Variants in GPC6 observed in about 807,000 individuals in gnomAD.
GPC6 encodes glypican 6.
A neutral mutation model predicts 55.2 loss-of-function variants in GPC6; 14 were observed. That is an observed-to-expected ratio of 0.25 (90% confidence interval 0.17 to 0.40). GPC6 has a LOEUF of 0.40. Ranked by LOEUF, GPC6 falls within the 10% of genes least tolerant of loss-of-function variation. The probability of loss-of-function intolerance (pLI) is 1.00; values close to 1 mark genes in which losing one functional copy is unlikely to be tolerated. For missense variants in GPC6, 641 were observed against 708.5 expected (o/e 0.90, Z 1.08); for synonymous variants, 278 against 259.6 (o/e 1.07, Z -0.68).
At chr13:93,240,068 A>C (rs1229831624) in intron 1 of GPC6, among the ~76,000 whole-genome samples, 1 of 152,062 alleles carries the variant, frequency 6.6e-6, no homozygotes, top group Non-Finnish European at 1.5e-5. Flanking sequence ...CTATCTTGGA[A>C]ACTATTCCAT....
At chr13:93,796,640 A>G (rs1443303410) in intron 2 of GPC6, among the ~76,000 whole-genome samples, 1 of 152,216 alleles carries the variant, frequency 6.6e-6, no homozygotes, top group East Asian at 1.9e-4. Flanking sequence ...ATGGGGAGGA[A>G]AGCTTCTCCT....
chr13:93,287,974 A>T (rs1878192206), intron 1 of GPC6, among the ~76,000 whole-genome samples: 1 of 152,124 alleles, frequency 6.6e-6, no homozygotes, highest in African/African-American at 2.4e-5. Context: ...CAATCTCTTG[A>T]TTTCATTGCA....
chr13:93,772,173 G>T (rs1885324348), intron 2 of GPC6, among the ~76,000 whole-genome samples: 1 of 152,114 alleles, frequency 6.6e-6, no homozygotes, highest in African/African-American at 2.4e-5. Context: ...ATAAAGAAAA[G>T]TAATGGCATC....
At chr13:93,352,195 C>T (rs1880655272) in intron 1 of GPC6, among the ~76,000 whole-genome samples, 2 of 151,954 alleles carry the variant, frequency 1.3e-5, no homozygotes, top group Admixed American at 1.3e-4. Context: ...TACGGAACAC[C>T]AATGAATTTT....
At chr13:94,398,188 A>T (rs2139228077) in intron 7 of GPC6, among the ~76,000 whole-genome samples, 1 of 151,884 alleles carries the variant, frequency 6.6e-6, no homozygotes, top group African/African-American at 2.4e-5. Flanking sequence ...ATAGGTCCCC[A>T]ATTTCGCATT....
intron 4 of GPC6, among the ~76,000 whole-genome samples, chr13:94,061,619 G>T (rs549302756): frequency 1.3e-5 from 2 of 151,882 alleles, no homozygotes; most frequent in African/African-American, 4.8e-5. Context: ...ATTCCTCACC[G>T]AGAAGGAGCA....
intron 1 of GPC6, among the ~76,000 whole-genome samples, chr13:93,425,711 A>G (rs1176271944): frequency 1.3e-5 from 2 of 152,162 alleles, no homozygotes; most frequent in African/African-American, 4.8e-5. Context: ...GTCAATTCCT[A>G]AATTAAAAAC....
intron 6 of GPC6, among the ~76,000 whole-genome samples, chr13:94,328,886 A>G (rs1448878862): frequency 6.6e-6 from 1 of 152,200 alleles, no homozygotes; most frequent in Non-Finnish European, 1.5e-5. Context: ...CGTTAAAACC[A>G]GGGGTGAACT....
chr13:93,944,467 G>A (rs1489203100), intron 3 of GPC6, among the ~76,000 whole-genome samples: 3 of 152,112 alleles, frequency 2.0e-5, no homozygotes, highest in Non-Finnish European at 4.4e-5. Context: ...GCCTCCCAAA[G>A]TGCTGGGATT....
At chr13:93,459,730 A>G (rs1594185076) in intron 1 of GPC6, among the ~76,000 whole-genome samples, 2 of 152,316 alleles carry the variant, frequency 1.3e-5, no homozygotes, top group African/African-American at 4.8e-5. Flanking sequence ...TTTTTCATTT[A>G]GAACCTGTTT....
chr13:93,968,756 A>G (rs1173510419), intron 3 of GPC6, among the ~76,000 whole-genome samples: 1 of 152,168 alleles, frequency 6.6e-6, no homozygotes, highest in African/African-American at 2.4e-5. Flanking sequence ...GGATTATGGA[A>G]ATTTCCACAG....
At chr13:93,776,979 A>T (rs572947009) in intron 2 of GPC6, among the ~76,000 whole-genome samples, 1 of 152,324 alleles carries the variant, frequency 6.6e-6, no homozygotes, top group Non-Finnish European at 1.5e-5. Context: ...AACCCCTGTC[A>T]GATTTCCTTA....
chr13:93,268,680 G>A lies in GPC6; in HGVS notation c.160+41064G>A, dbSNP rs58930573. 4.5e-3 allele frequency among the ~76,000 whole-genome samples: 692 copies of A among 152,224 alleles called. 6 individuals carry two copies. The highest frequency in any genetic ancestry group is 0.015 in the African/African-American group (604 of 41,526). Reference sequence around the variant, plus strand: ...CTATATTGGACTTCTTTGGAAGCACGTGCATATGAGCTTCCTTGATAAGAT... The same window carrying A: ...CTATATTGGACTTCTTTGGAAGCACATGCATATGAGCTTCCTTGATAAGAT... On this transcript the variant is annotated intron_variant, in intron 1 of 8. Coordinates refer to ENST00000377047, the MANE Select transcript of GPC6 (RefSeq NM_005708.5).
rs139566406 is a variant in GPC6, at chr13:93,528,063, A to G, written c.161-17200A>G. 4.0e-4 allele frequency among the ~76,000 whole-genome samples: 61 copies of G among 152,250 alleles called. No homozygotes were observed. The East Asian group carries it at 6.2e-3, about 15-fold the overall frequency. On this transcript the variant is annotated intron_variant, in intron 1 of 8. Transcript: ENST00000377047. ...TTCATGAAGTCTTACAGGCAGTTCA[A>G]TTTGATTATGTTCTTAATCACTCTC...
At chr13:93,694,690 C>T (rs141484888) in intron 2 of GPC6, among the ~76,000 whole-genome samples, 17 of 152,238 alleles carry the variant, frequency 1.1e-4, no homozygotes, top group African/African-American at 3.4e-4. Flanking sequence ...TTACTGTCAC[C>T]GCACAACTTT....
At chr13:93,223,435 TTTG>T (rs545244616), upstream of GPC6, among the ~76,000 whole-genome samples, 26 of 152,234 alleles carry the variant, frequency 1.7e-4, no homozygotes, top group East Asian at 3.5e-3. Flanking sequence ...TTGTCTTGTT[TTTG>T]TTGTTGTTTG....
intron 3 of GPC6, among the ~76,000 whole-genome samples, chr13:93,875,644 T>C (rs915572231): frequency 1.3e-5 from 2 of 152,054 alleles, no homozygotes; most frequent in Admixed American, 1.3e-4. Flanking sequence ...TAAATATCTG[T>C]AGCATGAATG....
intron 4 of GPC6, among the ~76,000 whole-genome samples, chr13:94,225,422 C>T (rs540152489): frequency 3.9e-4 from 60 of 152,074 alleles, no homozygotes; most frequent in Non-Finnish European, 7.9e-4. Flanking sequence ...TCACATTACT[C>T]TCATACGGAC....
chr13:93,930,540 G>A (rs1443228708), intron 3 of GPC6, among the ~76,000 whole-genome samples: 1 of 151,914 alleles, frequency 6.6e-6, no homozygotes, highest in Non-Finnish European at 1.5e-5. Context: ...CAATATTCTG[G>A]GATTGCAGGG....
Sources: allele counts gnomAD v4.1 joint callset (sites outside exome capture counted in the v4.1 genomes callset), GRCh38; gene constraint gnomAD v4.1.1; transcripts MANE v1.5; gene names NCBI Gene and HGNC (gene_info 2026-07-23, HGNC 2026-07-21).